TENM3: variants seen among roughly 807,000 people sequenced by gnomAD.
TENM3 encodes the protein teneurin transmembrane protein 3.
TENM3 carries 63 observed loss-of-function variants against 255.1 expected under a neutral mutation model. The observed-to-expected ratio is 0.25, with a 90% CI of 0.20 to 0.30. The LOEUF (loss-of-function observed/expected upper bound fraction) is 0.30, where lower values mean the gene tolerates loss of function less well. TENM3 is among the 10% of genes least tolerant of loss of function. The pLI, the probability that TENM3 is intolerant of heterozygous loss-of-function variation, is 1.00. For synonymous variants in TENM3, 1,306 were observed against 1,322.3 expected (o/e 0.99, Z 0.27); for missense variants, 2,929 against 3,461.1 (o/e 0.85, Z 3.86).
At chr4:182,194,055 C>T (rs1307734699) in intron 1 of TENM3, among the ~76,000 whole-genome samples, 2 of 152,186 alleles carry the variant, frequency 1.3e-5, no homozygotes, top group Non-Finnish European at 2.9e-5. Flanking sequence ...CACCATTGCT[C>T]AGGATTATGC....
At chr4:182,739,664 G>A (rs187661273) in intron 18 of TENM3, among the ~76,000 whole-genome samples, 1 of 152,236 alleles carries the variant, frequency 6.6e-6, no homozygotes, top group Non-Finnish European at 1.5e-5. Context: ...ATTTTTTTGT[G>A]TGTGAGTGTC....
intron 3 of TENM3, among the ~76,000 whole-genome samples, chr4:182,465,974 A>T (rs555049654): frequency 6.6e-6 from 1 of 152,190 alleles, no homozygotes; most frequent in Non-Finnish European, 1.5e-5. Flanking sequence ...GCTTGACTAA[A>T]CATAGATAAA....
chr4:181,779,442 C>T, the TENM3 span, among the ~76,000 whole-genome samples: 26,689 of 151,830 alleles, frequency 0.18, 3,057 homozygotes, highest in Non-Finnish European at 0.25. Flanking sequence ...CAAGCTGACA[C>T]AGTCCAAAAC....
the TENM3 span, among the ~76,000 whole-genome samples, chr4:181,891,543 C>T: frequency 6.6e-6 from 1 of 152,146 alleles, no homozygotes; most frequent in Non-Finnish European, 1.5e-5. Flanking sequence ...TCTATTTCTA[C>T]CAGTTCTCTT....
At chr4:182,608,819 G>A (rs1170111976) in intron 4 of TENM3, among the ~76,000 whole-genome samples, 2 of 152,170 alleles carry the variant, frequency 1.3e-5, no homozygotes, top group Admixed American at 6.5e-5. Context: ...AGGAGGCCCC[G>A]GGTGCTCTGC....
the TENM3 span, among the ~76,000 whole-genome samples, chr4:181,872,207 G>A: frequency 9.7e-4 from 147 of 151,162 alleles, 1 homozygote; most frequent in African/African-American, 3.5e-3. Context: ...TCTTGGTGGG[G>A]AGCTTTTTCA....
the TENM3 span, among the ~76,000 whole-genome samples, chr4:182,121,844 T>A: frequency 6.6e-6 from 1 of 152,200 alleles, no homozygotes; most frequent in Non-Finnish European, 1.5e-5. Flanking sequence ...ATTGATTACG[T>A]CTTCCTTTCA....
chr4:181,912,937 C>T, the TENM3 span, among the ~76,000 whole-genome samples: 1 of 152,116 alleles, frequency 6.6e-6, no homozygotes, highest in Non-Finnish European at 1.5e-5. Context: ...AGTCAATGAG[C>T]TGGCAGGGCT....
the TENM3 span, among the ~76,000 whole-genome samples, chr4:181,546,736 G>A: frequency 1.3e-4 from 17 of 131,454 alleles, no homozygotes; most frequent in East Asian, 4.9e-4. Flanking sequence ...AAAAGAAGAA[G>A]AAGAAGAAAT....
chr4:182,262,832 G>T lies in TENM3; in HGVS notation c.-76+19356G>T, dbSNP rs1256745312. ...GGGTTCACGCCATTCTCCTGCTTCA[G>T]CCTCCCGAGCAGCTGGGACTACAGG... On this transcript the variant is annotated intron_variant, in intron 1 of 27. Transcript: ENST00000511685. 8.0e-5 allele frequency among the ~76,000 whole-genome samples: 12 copies of T among 149,774 alleles called. No individual in the cohort carries two copies. In the Admixed American group the frequency reaches 8.1e-4, roughly 10 times the overall value.
At chr4:182,463,769 A>G (rs1247964691) in intron 3 of TENM3, among the ~76,000 whole-genome samples, 2 of 151,690 alleles carry the variant, frequency 1.3e-5, no homozygotes, top group East Asian at 3.9e-4. Context: ...GATTACAGGC[A>G]TGCGCCACCA....
In TENM3 at chr4:182,680,590, CGCT is replaced by C; in HGVS notation, c.1690_1692del (p.Cys564del). The stretch of plus-strand genomic sequence containing the variant: ...TGGCAACGGGCAGTACTCCAAGGGC[CGCT>C]GCCTGTGTTTCAGCGGCTGGAAGGG... On this transcript the variant is annotated inframe_deletion, in exon 10 of 28. Coordinates refer to ENST00000511685, the MANE Select transcript of TENM3 (RefSeq NM_001080477.4). 1 of 1,613,760 alleles carries C rather than the reference CGCT, an allele frequency of 6.2e-7. No individual in the cohort carries two copies. The highest frequency in any genetic ancestry group is 8.5e-7 in the Non-Finnish European group (1 of 1,179,858).
At chr4:181,821,022 G>A in the TENM3 span, among the ~76,000 whole-genome samples, 2 of 152,104 alleles carry the variant, frequency 1.3e-5, no homozygotes, top group South Asian at 4.1e-4. Context: ...GGGCAGTTCT[G>A]CCTGTTACTC....
the TENM3 span, among the ~76,000 whole-genome samples, chr4:181,964,962 C>G: frequency 6.6e-6 from 1 of 152,116 alleles, no homozygotes; most frequent in Non-Finnish European, 1.5e-5. Flanking sequence ...TCTTGACAAT[C>G]TAAAGTGTCT....
At chr4:181,722,089 G>T in the TENM3 span, among the ~76,000 whole-genome samples, 2 of 152,164 alleles carry the variant, frequency 1.3e-5, no homozygotes, top group African/African-American at 4.8e-5. Flanking sequence ...AAACTGAGAT[G>T]AAAAAGAAGA....
chr4:181,752,173 C>T, the TENM3 span, among the ~76,000 whole-genome samples: 1 of 152,164 alleles, frequency 6.6e-6, no homozygotes, highest in African/African-American at 2.4e-5. Context: ...TCTCCAGCAC[C>T]CCAGCTCTGT....
At chr4:182,045,499 C>A in the TENM3 span, among the ~76,000 whole-genome samples, 1 of 151,764 alleles carries the variant, frequency 6.6e-6, no homozygotes, top group Admixed American at 6.6e-5. Context: ...AGAAAAAATT[C>A]TCCTTTGTTA....
chr4:182,587,089 CT>C (rs1414340382), intron 3 of TENM3, among the ~76,000 whole-genome samples: 1 of 133,206 alleles, frequency 7.5e-6, no homozygotes, highest in Non-Finnish European at 1.7e-5. Context: ...GATCAGTTTT[CT>C]TTTAAAATTT....
At chr4:182,464,007 G>A (rs72701917) in intron 3 of TENM3, among the ~76,000 whole-genome samples, 5,977 of 152,104 alleles carry the variant, frequency 0.039, 166 homozygotes, top group Non-Finnish European at 0.058. Flanking sequence ...CTCTTATTAA[G>A]ATTAATACAA....
Sources: gnomAD v4.1 joint callset for allele counts (sites outside exome capture counted in the v4.1 genomes callset) on GRCh38, gnomAD v4.1.1 for gene constraint, MANE v1.5 for transcripts, NCBI Gene and HGNC (gene_info 2026-07-23, HGNC 2026-07-21) for gene names.